Variants in LRRC66 observed in about 807,000 individuals in gnomAD.
The protein encoded by LRRC66 is leucine rich repeat containing 66.
Under a neutral mutation model 24.6 loss-of-function variants are expected in LRRC66, and 29 were observed. That is an observed-to-expected ratio of 1.18 (90% CI 0.88 to 1.61). The LOEUF (loss-of-function observed/expected upper bound fraction) is 1.61. Ranked by LOEUF, LRRC66 falls within the 40% of genes most tolerant of loss-of-function variation. The pLI is 0.00. For synonymous variants in LRRC66, 411 were observed against 397.6 expected (o/e 1.03, Z -0.40); for missense variants, 1,124 against 1,058.0 (o/e 1.06, Z -0.87).
In LRRC66 at chr4:51,995,099, G is replaced by A. The variant is rs780378961; in HGVS notation, c.1923C>T (p.Ser641=). 6.2e-6 allele frequency: 10 copies of A among 1,614,186 alleles called. No individual in the cohort carries two copies. The highest frequency in any genetic ancestry group is 1.7e-5 in the Admixed American group (1 of 60,024). Residue 641 remains serine, a synonymous_variant, in exon 5 of 5, where the codon TCC becomes TCT. Transcript: ENST00000682860. Reference sequence around the variant, plus strand: ...AAAGCGCTTCCTCAGCCCTTGCCCCGGACAGCCTTGGCTGCTGTATGCTCA... The same window carrying A: ...AAAGCGCTTCCTCAGCCCTTGCCCCAGACAGCCTTGGCTGCTGTATGCTCA... ...DLLSIQQPRL[S]GARAEEALSA... is the part of the protein sequence containing the mutation.
intron 3 of LRRC66, 65 bp from the exon 4 acceptor site, chr4:51,998,002 A>C: frequency 7.1e-7 from 1 of 1,402,658 alleles, no homozygotes; most frequent in Non-Finnish European, 9.9e-7. Flanking sequence ...AAAATAAATG[A>C]GTTACAGAAA....
intron 2 of LRRC66, among the ~76,000 whole-genome samples, chr4:52,005,618 G>GA (rs11441454): frequency 0.44 from 64,585 of 148,296 alleles, 16,634 homozygotes; most frequent in Non-Finnish European, 0.58. Flanking sequence ...AAAAAAAACA[G>GA]GAAAACAAAG....
chr4:52,000,061 G>GAAGAAAACAAC (rs1171583375), intron 3 of LRRC66, among the ~76,000 whole-genome samples: 1 of 152,160 alleles, frequency 6.6e-6, no homozygotes, highest in Non-Finnish European at 1.5e-5. Flanking sequence ...CATCCATTGT[G>GAAGAAAACAAC]ATATTCAGCT....
intron 2 of LRRC66, among the ~76,000 whole-genome samples, chr4:52,012,254 A>G (rs1263765916): frequency 6.6e-6 from 1 of 151,992 alleles, no homozygotes; most frequent in Non-Finnish European, 1.5e-5. Flanking sequence ...ATGTGGGGAG[A>G]GGGTGATTTT....
In LRRC66 at chr4:51,995,887, C is replaced by T; in HGVS notation, c.1135G>A (p.Val379Met). ...EDAPQDLALA[V>M]CLSVFITFLV... Reference sequence around the variant, plus strand: ...AATGTGATGAACACTGACAGGCACACCGCCAGAGCCAGGTCCTGGGGAGCG... The same window carrying T: ...AATGTGATGAACACTGACAGGCACATCGCCAGAGCCAGGTCCTGGGGAGCG... The change falls in exon 5 of 5, where the codon GTG (valine) becomes ATG (methionine). Residue 379 changes from valine (V) to methionine (M), a missense_variant. By Grantham distance (21) the Val-to-Met change is conservative. Coordinates refer to ENST00000682860, the MANE Select transcript of LRRC66 (RefSeq NM_001024611.3). The T allele has an allele frequency of 6.2e-7, 1 of 1,614,196 alleles. No homozygotes were observed. Among genetic ancestry groups the T allele is most frequent in the African/African-American group, 1.3e-5 (1 of 75,048 alleles).
intron 3 of LRRC66, among the ~76,000 whole-genome samples, chr4:51,999,454 A>G (rs1412952864): frequency 6.6e-6 from 1 of 152,144 alleles, no homozygotes; most frequent in Non-Finnish European, 1.5e-5. Context: ...GTTGACTCTC[A>G]AAGGAAGGTT....
At position 51,995,228 on chromosome 4, in the gene LRRC66, C is replaced by G. The variant is rs908256959; in HGVS notation, c.1794G>C (p.Gln598His). 1.2e-6 allele frequency: 2 copies of G among 1,614,192 alleles called. No individual in the cohort carries two copies. Among genetic ancestry groups the G allele is most frequent in the Non-Finnish European group, 1.7e-6 (2 of 1,180,050 alleles). ...CTCTTTCCTTACTATCTCCAGTCCTCTGTGCTTCTGCATGTGTTAGCATTT... is the reference window on the plus strand; with the variant it reads ...CTCTTTCCTTACTATCTCCAGTCCTGTGTGCTTCTGCATGTGTTAGCATTT... Reference protein sequence around the residue: ...LCKMLTHAEAQRTGDSKERGG... With the variant: ...LCKMLTHAEAHRTGDSKERGG... Residue 598 changes from glutamine to histidine, a missense_variant, in exon 5 of 5, where the codon CAG becomes CAC. Physicochemically the swap from Gln to His is conservative, Grantham distance 24 (BLOSUM62 0). Coordinates refer to ENST00000682860, the MANE Select transcript of LRRC66 (RefSeq NM_001024611.3).
intron 2 of LRRC66, among the ~76,000 whole-genome samples, chr4:52,003,668 T>C (rs943614942): frequency 2.6e-5 from 4 of 152,250 alleles, no homozygotes; most frequent in East Asian, 1.9e-4. Context: ...AACATATACA[T>C]AGATTTTGAG....
chr4:51,995,017 A>G lies in LRRC66; in HGVS notation c.2005T>C (p.Phe669Leu). 4 of 1,614,134 alleles carry G rather than the reference A, an allele frequency of 2.5e-6. No homozygotes were observed. Among genetic ancestry groups the G allele is most frequent in the Non-Finnish European group, 3.4e-6 (4 of 1,180,030 alleles). ...AGGCCACTGTCCCATCTTGGAGGAA[A>G]GACTGATGGGCCTGTGTCTCTTGGG... is the stretch of plus-strand genomic sequence containing the variant. ...GDPRDTGPSVFPPRWDSGLDV... is the reference protein window; with the variant it reads ...GDPRDTGPSVLPPRWDSGLDV... The change falls in exon 5 of 5, where the codon TTT becomes CTT. Residue 669 changes from phenylalanine to leucine, a missense_variant. By Grantham distance (22) the Phe-to-Leu change is conservative (BLOSUM62 0). Coordinates refer to ENST00000682860, the MANE Select transcript of LRRC66 (RefSeq NM_001024611.3).
intron 3 of LRRC66, among the ~76,000 whole-genome samples, chr4:52,000,550 C>A (rs1736425145): frequency 6.6e-6 from 1 of 152,294 alleles, no homozygotes; most frequent in African/African-American, 2.4e-5. Flanking sequence ...AATGCCACTT[C>A]CATGATGACA....
chr4:51,993,950 G>A lies in LRRC66; in HGVS notation c.*429C>T, dbSNP rs2110188353. On this transcript the variant is annotated 3_prime_UTR_variant, in exon 5 of 5. Transcript: ENST00000682860. The stretch of plus-strand genomic sequence containing the variant: ...TCAGAGAGCCAAATCCCATCAGATT[G>A]CTCCAGGTCTGTATTTGAGAAGGAA... 6.4e-6 allele frequency: 1 copy of A among 157,408 alleles called. No homozygotes were observed. The highest frequency in any genetic ancestry group is 1.9e-4 in the East Asian group (1 of 5,322). 9.8% of individuals were successfully genotyped at this position (157,408 alleles called of 1,614,324 possible).
In LRRC66 at chr4:51,997,899, T is replaced by C. The variant is rs897345359; in HGVS notation, c.705A>G (p.Leu235=). The part of the protein sequence containing the change: ...DLSNNALITI[L]PMMIIALEFP... ...ATTCTAGAGCTATGATCATCATTGG[T>C]AGGATGGTAATCAGAGCATTGTTGC... The change falls in exon 4 of 5, where the codon CTA becomes CTG. Residue 235 remains leucine (L), a synonymous_variant. Coordinates refer to ENST00000682860, the MANE Select transcript of LRRC66 (RefSeq NM_001024611.3). The C allele has an allele frequency of 1.9e-6, 3 of 1,613,992 alleles. No individual in the cohort carries two copies. Among genetic ancestry groups the C allele is most frequent in the African/African-American group, 2.7e-5 (2 of 74,934 alleles).
intron 2 of LRRC66, among the ~76,000 whole-genome samples, chr4:52,004,788 T>G (rs980667880): frequency 5.9e-5 from 9 of 152,238 alleles, no homozygotes; most frequent in Admixed American, 3.3e-4. Flanking sequence ...GGTTGTCATA[T>G]GTCCATTTAA....
Position 51,997,894 on chromosome 4 carries a change from A to C in LRRC66, c.710T>G (p.Met237Arg). ...SNNALITILP[M>R]MIIALEFPHL... ...GGGAAATTCTAGAGCTATGATCATC[A>C]TTGGTAGGATGGTAATCAGAGCATT... Residue 237 changes from methionine (M) to arginine (R), a missense_variant, in exon 4 of 5, where the codon ATG (methionine) becomes AGG (arginine). Met to Arg is a moderately conservative substitution (Grantham distance 91, BLOSUM62 -1). Coordinates refer to ENST00000682860, the MANE Select transcript of LRRC66 (RefSeq NM_001024611.3). 6.2e-7 allele frequency: 1 copy of C among 1,614,100 alleles called. No individual in the cohort carries two copies. The highest frequency in any genetic ancestry group is 8.5e-7 in the Non-Finnish European group (1 of 1,179,976).
chr4:52,010,976 A>G (rs923462889), intron 2 of LRRC66, among the ~76,000 whole-genome samples: 2 of 152,268 alleles, frequency 1.3e-5, no homozygotes, highest in Non-Finnish European at 1.5e-5. Context: ...CCTTTTATAT[A>G]AAATTATAGA....
At chr4:52,016,713 A>T (rs1469044537) in intron 2 of LRRC66, among the ~76,000 whole-genome samples, 2 of 152,180 alleles carry the variant, frequency 1.3e-5, no homozygotes, top group Non-Finnish European at 2.9e-5. Flanking sequence ...TACTCAAAGA[A>T]GAAAAATATT....
intron 3 of LRRC66, among the ~76,000 whole-genome samples, chr4:51,998,659 A>T (rs776749203): frequency 6.6e-6 from 1 of 152,202 alleles, no homozygotes; most frequent in African/African-American, 2.4e-5. Flanking sequence ...ATCAGAAATG[A>T]AGGGGAAAGG....
intron 2 of LRRC66, among the ~76,000 whole-genome samples, chr4:52,015,629 C>T (rs1303472740): frequency 1.3e-5 from 2 of 152,152 alleles, no homozygotes; most frequent in African/African-American, 4.8e-5. Context: ...AAGGTTATAT[C>T]TCTAGTACAC....
intron 2 of LRRC66, among the ~76,000 whole-genome samples, chr4:52,006,696 TATAATA>T (rs71660471): frequency 0.43 from 56,948 of 132,486 alleles, 15,074 homozygotes; most frequent in African/African-American, 0.76. Flanking sequence ...AAACTTAAAG[TATAATA>T]ATAATAATAA....
Sources: gnomAD v4.1 joint callset for allele counts (sites outside exome capture counted in the v4.1 genomes callset) on GRCh38, gnomAD v4.1.1 for gene constraint, MANE v1.5 for transcripts, NCBI Gene and HGNC (gene_info 2026-07-23, HGNC 2026-07-21) for gene names.